Variants in PTBP2 observed in about 807,000 individuals in gnomAD.
PTBP2 encodes polypyrimidine tract binding protein 2, also known as polypyrimidine tract-binding protein 2.
In PTBP2, 13 loss-of-function variants were observed where a neutral mutation model predicts 61.4. The ratio of observed to expected loss-of-function variants is 0.21; its 90% CI spans 0.14 to 0.34. PTBP2 has a LOEUF of 0.34. Among genes scored for constraint, PTBP2 ranks in the 10% least tolerant of loss-of-function variants. PTBP2 has a pLI of 1.00. For synonymous variants in PTBP2, 215 were observed against 218.5 expected, an observed-to-expected ratio of 0.98 and a Z score of 0.14; for missense variants, 405 against 642.6, an observed-to-expected ratio of 0.63 and a Z score of 4.00.
intron 2 of PTBP2, among the ~76,000 whole-genome samples, chr1:96,734,903 C>CTTTTTTTTT (rs369053938): frequency 1.5e-4 from 19 of 124,956 alleles, no homozygotes; most frequent in African/African-American, 3.7e-4. Context: ...CTTTTTTTTT[C>CTTTTTTTTT]TTTTTTTTTT....
chr1:96,817,623 T>C (rs746170607), downstream of PTBP2: 7 of 152,114 alleles, frequency 4.6e-5, no homozygotes, highest in Non-Finnish European at 8.8e-5. Flanking sequence ...ACATATTCCA[T>C]ATTTTAAACG....
chr1:96,801,470 A>C (rs969598134), intron 8 of PTBP2, among the ~76,000 whole-genome samples: 2 of 152,180 alleles, frequency 1.3e-5, no homozygotes, highest in Admixed American at 1.3e-4. Context: ...CGGTAATACT[A>C]AAGTGTATTT....
At chr1:96,822,771 T>TA (rs1465034712) in exon 14 of PTBP2, 1 of 152,188 alleles carries the variant, frequency 6.6e-6, no homozygotes, top group Non-Finnish European at 1.5e-5. Context: ...AGCTGCGTAA[T>TA]ACTTTGGCAG....
intron 5 of PTBP2, among the ~76,000 whole-genome samples, chr1:96,774,983 G>C (rs1657863874): frequency 6.6e-6 from 1 of 152,150 alleles, no homozygotes; most frequent in Non-Finnish European, 1.5e-5. Flanking sequence ...ATGGAATATT[G>C]TGGGTTGGCC....
Position 96,791,681 on chromosome 1 carries a change from C to T in PTBP2, c.904+6427C>T, listed in dbSNP as rs567775276. On this transcript the variant is annotated intron_variant, in intron 8 of 13. Transcript: ENST00000674951. Reference sequence around the variant, plus strand: ...AAGGGATTCGCTATGTTTTCTGCCACCATTGGATCTCTGTATAAAGTTTGG... The same window carrying T: ...AAGGGATTCGCTATGTTTTCTGCCATCATTGGATCTCTGTATAAAGTTTGG... Among the ~76,000 whole-genome samples, 19 of 152,136 alleles carry T rather than the reference C, an allele frequency of 1.2e-4. No individual in the cohort carries two copies. The South Asian group carries it at 3.7e-3, about 30-fold the overall frequency.
At chr1:96,750,945 C>T (rs868760469) in intron 2 of PTBP2, among the ~76,000 whole-genome samples, 2 of 151,872 alleles carry the variant, frequency 1.3e-5, no homozygotes, top group Non-Finnish European at 2.9e-5. Context: ...CCTTTGCTTT[C>T]GGTGTTCTAG....
intron 2 of PTBP2, among the ~76,000 whole-genome samples, chr1:96,737,556 G>C (rs1652400824): frequency 6.6e-6 from 1 of 152,120 alleles, no homozygotes; most frequent in Non-Finnish European, 1.5e-5. Flanking sequence ...GAGCCTTTAA[G>C]GGCAAAATTT....
rs540439062 is a variant in PTBP2 at position 96,721,843 on chromosome 1, C to G, written c.-22C>G. ...GGCTGCGTGGCTCGGTTCTTGTGAG[C>G]GAAGCTTTGTCCGGTTCGGCAATGG... On this transcript the variant is annotated 5_prime_UTR_variant, in exon 1 of 14. Coordinates refer to ENST00000674951, the MANE Select transcript of PTBP2 (RefSeq NM_021190.4). 3.8e-6 allele frequency: 6 copies of G among 1,563,604 alleles called. No individual in the cohort carries two copies. The highest frequency in any genetic ancestry group is 5.2e-6 in the Non-Finnish European group (6 of 1,154,044).
At chr1:96,721,933 C>G in intron 1 of PTBP2, 61 bp downstream of exon 1, 14 of 1,553,580 alleles carry the variant, frequency 9.0e-6, no homozygotes, top group South Asian at 1.2e-5. Context: ...TCCTTCGGCC[C>G]GGTCCCGGGC....
chr1:96,751,152 C>T, intron 2 of PTBP2: 4 of 437,662 alleles, frequency 9.1e-6, no homozygotes, highest in South Asian at 2.2e-5. Context: ...ATTGAGATAG[C>T]TTTCCAAAGC....
intron 3 of PTBP2, 128 bp from the exon 4 acceptor site, chr1:96,769,575 A>C (rs1657150332): frequency 5.2e-6 from 3 of 575,740 alleles, no homozygotes; most frequent in Non-Finnish European, 8.4e-6. Context: ...ATTTTCAAGA[A>C]TTATTTAAGT....
intron 11 of PTBP2, among the ~76,000 whole-genome samples, chr1:96,810,403 A>G (rs191760886): frequency 5.3e-5 from 8 of 152,064 alleles, no homozygotes; most frequent in Admixed American, 3.9e-4. Context: ...TTTCTTTTTT[A>G]CTTAAAAATT....
chr1:96,791,162 C>A (rs948628599), intron 8 of PTBP2, among the ~76,000 whole-genome samples: 1 of 151,998 alleles, frequency 6.6e-6, no homozygotes, highest in Non-Finnish European at 1.5e-5. Flanking sequence ...TAAAAAAAAT[C>A]TTTTGTGAAA....
At chr1:96,748,296 G>C (rs777777085) in intron 2 of PTBP2, among the ~76,000 whole-genome samples, 16 of 152,120 alleles carry the variant, frequency 1.1e-4, no homozygotes, top group Non-Finnish European at 2.4e-4. Flanking sequence ...TCTTCCACCT[G>C]AAAGTGATAC....
intron 2 of PTBP2, among the ~76,000 whole-genome samples, chr1:96,737,501 G>A (rs1196591399): frequency 6.6e-6 from 1 of 152,102 alleles, no homozygotes; most frequent in African/African-American, 2.4e-5. Context: ...CACAAAGTGA[G>A]CTTATATGTT....
chr1:96,722,895 G>T (rs917761530), intron 1 of PTBP2, among the ~76,000 whole-genome samples: 2 of 152,166 alleles, frequency 1.3e-5, no homozygotes, highest in Non-Finnish European at 2.9e-5. Context: ...TAGAAAGGGG[G>T]CACGCTTAAG....
intron 3 of PTBP2, among the ~76,000 whole-genome samples, chr1:96,760,954 C>T (rs1214252334): frequency 6.6e-6 from 1 of 152,128 alleles, no homozygotes; most frequent in African/African-American, 2.4e-5. Flanking sequence ...TAGTATATTA[C>T]TACTTACTAA....
At chr1:96,783,694 A>T (rs1180586107) in intron 7 of PTBP2, among the ~76,000 whole-genome samples, 1 of 152,042 alleles carries the variant, frequency 6.6e-6, no homozygotes, top group African/African-American at 2.4e-5. Context: ...TCTATTACTT[A>T]TCTCACATTT....
Position 96,765,913 on chromosome 1 carries a change from A to G in PTBP2, c.116-3790A>G, listed in dbSNP as rs141285322. Among the ~76,000 whole-genome samples the G allele has an allele frequency of 9.8e-4, 149 of 152,232 alleles. 1 individual carries two copies. The East Asian group carries it at 9.9e-3, about 10-fold the overall frequency. ...GGGAAATTAGAAAAGTAGAAATTGA[A>G]GTTTTTAGGGGTGCTATTAGAGAAA... On this transcript the variant is annotated intron_variant, in intron 3 of 13. Transcript: ENST00000674951.
Sources: gnomAD v4.1 joint callset for allele counts (sites outside exome capture counted in the v4.1 genomes callset) on GRCh38, gnomAD v4.1.1 for gene constraint, MANE v1.5 for transcripts, NCBI Gene and HGNC (gene_info 2026-07-23, HGNC 2026-07-21) for gene names.